The following DNAH8 variants were observed in gnomAD, a reference collection of about 807,000 sequenced individuals.
The protein encoded by DNAH8 is dynein axonemal heavy chain 8.
A neutral mutation model predicts 562.1 loss-of-function variants in DNAH8; 382 were observed. The ratio of observed to expected loss-of-function variants is 0.68; its 90% confidence interval spans 0.63 to 0.74. DNAH8 has a LOEUF of 0.74. Among genes scored for constraint, DNAH8 ranks in the 30% least tolerant of loss-of-function variants. The pLI is 0.00. For missense variants in DNAH8, 5,203 were observed against 5,620.4 expected (o/e 0.93, Z 2.37); for synonymous variants, 1,881 against 1,919.4 (o/e 0.98, Z 0.52).
At position 38,870,813 on chromosome 6, in the gene DNAH8, C is replaced by T. The variant is rs144636250; in HGVS notation, c.6990+251C>T. Among the ~76,000 whole-genome samples, 770 of 152,132 alleles carry T rather than the reference C, an allele frequency of 5.1e-3. 6 individuals are homozygous for T. The highest frequency in any genetic ancestry group is 0.018 in the African/African-American group (740 of 41,502). ...ACTTATACCTGGTGACAATGTTGGG[C>T]GGAAATAGTAGGTTATAAAAACTCT... On this transcript the variant is annotated intron_variant, in intron 49 of 92. Coordinates refer to ENST00000327475, the MANE Select transcript of DNAH8 (RefSeq NM_001206927.2).
chr6:38,780,891 A>G (rs1738253), intron 15 of DNAH8, among the ~76,000 whole-genome samples: 1 of 152,132 alleles, frequency 6.6e-6, no homozygotes, highest in African/African-American at 2.4e-5. Flanking sequence ...TGGTGTGTGT[A>G]TAGCAAAGCC....
At chr6:38,770,289 TA>T (rs34738478) in intron 11 of DNAH8, 123 bp from the exon 12 acceptor site, 7 of 481,528 alleles carry the variant, frequency 1.5e-5, no homozygotes, top group East Asian at 3.6e-5. Flanking sequence ...ATGGTATAAA[TA>T]AAAAAAAACT....
At chr6:39,008,777 C>T in intron 88 of DNAH8, 37 bp from the exon 89 acceptor site, 1 of 1,339,528 alleles carries the variant, frequency 7.5e-7, no homozygotes, top group Non-Finnish European at 1.0e-6. Flanking sequence ...TTACATGTTT[C>T]CCTGTAACAT....
chr6:38,762,260 C>G (rs1461858542), intron 11 of DNAH8, among the ~76,000 whole-genome samples: 1 of 152,018 alleles, frequency 6.6e-6, no homozygotes, highest in Non-Finnish European at 1.5e-5. Context: ...TAGTTTAGTA[C>G]CAAGAGATAT....
intron 10 of DNAH8, among the ~76,000 whole-genome samples, chr6:38,756,854 C>T (rs1765961305): frequency 6.6e-6 from 1 of 151,998 alleles, no homozygotes; most frequent in South Asian, 2.1e-4. Flanking sequence ...ATGAATTCAT[C>T]GTTTTTTATG....
chr6:38,784,111 C>A (rs1768913066), intron 17 of DNAH8, among the ~76,000 whole-genome samples: 1 of 152,170 alleles, frequency 6.6e-6, no homozygotes, highest in Non-Finnish European at 1.5e-5. Context: ...CGCAGGGTGT[C>A]GTCCCTAACA....
At chr6:38,828,781 A>C (rs1227025789) in intron 30 of DNAH8, among the ~76,000 whole-genome samples, 1 of 152,202 alleles carries the variant, frequency 6.6e-6, no homozygotes, top group Non-Finnish European at 1.5e-5. Context: ...CATACAATTC[A>C]GTGTTTTTTA....
At chr6:38,858,601 C>T (rs1776374367) in intron 42 of DNAH8, among the ~76,000 whole-genome samples, 1 of 152,166 alleles carries the variant, frequency 6.6e-6, no homozygotes, top group Non-Finnish European at 1.5e-5. Context: ...TCTCCAGCCT[C>T]CCTCCTCCCA....
In DNAH8 at chr6:38,767,945, C is replaced by T. The variant is rs544925249; in HGVS notation, c.1618-2468C>T. Among the ~76,000 whole-genome samples, 4 of 152,304 alleles carry T rather than the reference C, an allele frequency of 2.6e-5. No individual in the cohort carries two copies. In the East Asian group the frequency reaches 7.7e-4, roughly 29 times the overall value. On this transcript the variant is annotated intron_variant, in intron 11 of 92. Coordinates refer to ENST00000327475, the MANE Select transcript of DNAH8 (RefSeq NM_001206927.2). ...TGCAGGAGGGTTCCAATTTCTTCAT[C>T]TCCTTGCCAACACTTTTTATTTTCT...
intron 53 of DNAH8, among the ~76,000 whole-genome samples, chr6:38,877,880 A>G (rs1178863635): frequency 1.3e-5 from 2 of 152,212 alleles, no homozygotes. Flanking sequence ...AATAGGCACT[A>G]CTGGACTGAA....
intron 83 of DNAH8, among the ~76,000 whole-genome samples, chr6:38,973,243 G>C (rs971848700): frequency 1.3e-5 from 2 of 152,224 alleles, no homozygotes; most frequent in Admixed American, 1.3e-4. Flanking sequence ...GAGATCATGT[G>C]TATCTTTCTT....
rs1768967139 is a variant in DNAH8 at position 38,784,637 on chromosome 6, A to G, written c.2395+1498A>G. Among the ~76,000 whole-genome samples the G allele has an allele frequency of 2.0e-5, 3 of 152,350 alleles. No homozygotes were observed. The South Asian group carries it at 6.2e-4, about 32-fold the overall frequency. On this transcript the variant is annotated intron_variant, in intron 17 of 92. Transcript: ENST00000327475. The stretch of plus-strand genomic sequence containing the variant: ...TAAAAAATGGTCATAGCTAACATTT[A>G]TACAGTGCTCACCATGTGCCAGGCT...
chr6:38,731,996 G>A (rs750686943), intron 4 of DNAH8, among the ~76,000 whole-genome samples: 3 of 152,204 alleles, frequency 2.0e-5, no homozygotes, highest in Admixed American at 6.5e-5. Flanking sequence ...GATTATAGGT[G>A]TGAGCCACCA....
Position 38,898,297 on chromosome 6 carries a change from T to C in DNAH8, c.8980T>C (p.Tyr2994His). ...CTTTCTGGCTGAAAAACTCCAGTTT[T>C]ACCAGAGACAGTTCAATGAAATCAT... ...FDFLAEKLQF[Y>H]QRQFNEIIRG... is the part of the protein sequence containing the mutation. Residue 2994 changes from tyrosine (Y) to histidine (H), a missense_variant, in exon 61 of 93, where the codon TAC (tyrosine) becomes CAC (histidine). Physicochemically the swap from Tyr to His is moderately conservative, Grantham distance 83. Coordinates refer to ENST00000327475, the MANE Select transcript of DNAH8 (RefSeq NM_001206927.2). 1 of 1,591,394 alleles carries C rather than the reference T, an allele frequency of 6.3e-7. No individual in the cohort carries two copies. Among genetic ancestry groups the C allele is most frequent in the South Asian group, 1.2e-5 (1 of 84,538 alleles).
At chr6:38,821,648 C>G (rs1016596298) in intron 26 of DNAH8, among the ~76,000 whole-genome samples, 5 of 152,150 alleles carry the variant, frequency 3.3e-5, no homozygotes, top group African/African-American at 1.2e-4. Flanking sequence ...ACTGCAGCCT[C>G]TGCCTTCTTG....
intron 3 of DNAH8, among the ~76,000 whole-genome samples, chr6:38,724,931 T>C (rs1423904592): frequency 6.6e-6 from 1 of 152,052 alleles, no homozygotes; most frequent in Non-Finnish European, 1.5e-5. Context: ...TATCCCCTGC[T>C]TTTATAGGGG....
At chr6:38,953,867 G>C (rs1457054239) in intron 82 of DNAH8, among the ~76,000 whole-genome samples, 2 of 150,958 alleles carry the variant, frequency 1.3e-5, no homozygotes, top group African/African-American at 4.9e-5. Flanking sequence ...TTAACAGTTG[G>C]GGGAAACTAT....
At chr6:38,849,745 A>G (rs1034051894) in intron 37 of DNAH8, among the ~76,000 whole-genome samples, 6 of 152,184 alleles carry the variant, frequency 3.9e-5, no homozygotes, top group African/African-American at 1.4e-4. Context: ...GCTTAATATC[A>G]TTCATAGTAA....
At chr6:38,928,874 A>G (rs986925808) in intron 74 of DNAH8, among the ~76,000 whole-genome samples, 8 of 152,202 alleles carry the variant, frequency 5.3e-5, no homozygotes, top group African/African-American at 1.9e-4. Context: ...CAGTGTGTCT[A>G]TTTTAACTAA....
Sources: gnomAD v4.1 joint callset for allele counts (sites outside exome capture counted in the v4.1 genomes callset) on GRCh38, gnomAD v4.1.1 for gene constraint, MANE v1.5 for transcripts, NCBI Gene and HGNC (gene_info 2026-07-23, HGNC 2026-07-21) for gene names.